The following ANKRD17 variants were observed in gnomAD, a reference collection of about 807,000 sequenced individuals.
ANKRD17 encodes ankyrin repeat domain-containing protein 17.
ANKRD17 carries 19 observed loss-of-function variants against 229.7 expected under a neutral mutation model. The ratio of observed to expected loss-of-function variants is 0.08; its 90% CI spans 0.06 to 0.12. The LOEUF (loss-of-function observed/expected upper bound fraction) is 0.12, where lower values mean the gene tolerates loss of function less well. Among genes scored for constraint, ANKRD17 ranks in the 10% least tolerant of loss-of-function variants. The pLI, the probability that ANKRD17 is intolerant of heterozygous loss-of-function variation, is 1.00. For missense variants in ANKRD17, 2,176 were observed against 3,176.8 expected (o/e 0.68, Z 7.57); for synonymous variants, 1,112 against 1,146.1 (o/e 0.97, Z 0.60).
At chr4:73,095,693 T>C (rs534302475) in intron 27 of ANKRD17, among the ~76,000 whole-genome samples, 5 of 152,118 alleles carry the variant, frequency 3.3e-5, no homozygotes, top group African/African-American at 1.2e-4. Flanking sequence ...AGATTTCCTT[T>C]ATTATTATTT....
At chr4:73,095,339 G>A (rs1040391451) in intron 27 of ANKRD17, among the ~76,000 whole-genome samples, 5 of 151,904 alleles carry the variant, frequency 3.3e-5, no homozygotes, top group African/African-American at 4.8e-5. Flanking sequence ...GGTGGCTCAC[G>A]CCTGTAATCC....
intron 1 of ANKRD17, among the ~76,000 whole-genome samples, chr4:73,193,532 C>G (rs180801399): frequency 1.2e-4 from 19 of 152,286 alleles, no homozygotes; most frequent in Admixed American, 1.1e-3. Flanking sequence ...GCTTTTCCCC[C>G]CTTTGTAGTT....
chr4:73,099,135 A>C, intron 25 of ANKRD17: 1 of 710,382 alleles, frequency 1.4e-6, no homozygotes, highest in Non-Finnish European at 2.6e-6. Flanking sequence ...TCCTCAGAGG[A>C]GGAGCAGTGA....
At chr4:73,196,394 T>C (rs1348063770) in intron 1 of ANKRD17, among the ~76,000 whole-genome samples, 1 of 152,228 alleles carries the variant, frequency 6.6e-6, no homozygotes, top group African/African-American at 2.4e-5. Flanking sequence ...GTTTCTTAAG[T>C]TGGAAATTAT....
chr4:73,099,025 A>G, intron 25 of ANKRD17: 1 of 987,016 alleles, frequency 1.0e-6, no homozygotes, highest in South Asian at 1.3e-5. Flanking sequence ...AAAACAAGGG[A>G]GCTGCCAAGA....
At chr4:73,224,626 A>T (rs1027906283) in intron 1 of ANKRD17, among the ~76,000 whole-genome samples, 2 of 152,354 alleles carry the variant, frequency 1.3e-5, no homozygotes, top group Admixed American at 1.3e-4. Flanking sequence ...TCATATTTTT[A>T]AACTACATTT....
At chr4:73,234,032 C>G (rs1182970399) in intron 1 of ANKRD17, among the ~76,000 whole-genome samples, 1 of 152,130 alleles carries the variant, frequency 6.6e-6, no homozygotes, top group Middle Eastern at 3.4e-3. Context: ...TCAATTATTT[C>G]TTTCATTATT....
intron 27 of ANKRD17, among the ~76,000 whole-genome samples, chr4:73,094,971 G>C (rs1723146312): frequency 6.6e-6 from 1 of 151,906 alleles, no homozygotes; most frequent in Admixed American, 6.6e-5. Flanking sequence ...AGGAGTTCGA[G>C]ACCAGCCTGG....
At chr4:73,208,650 C>T (rs1001033879) in intron 1 of ANKRD17, among the ~76,000 whole-genome samples, 5 of 152,024 alleles carry the variant, frequency 3.3e-5, no homozygotes, top group Admixed American at 2.6e-4. Flanking sequence ...CCAAGGAAAC[C>T]CCAGTTAAGA....
chr4:73,254,555 G>C (rs1287722610), intron 1 of ANKRD17, among the ~76,000 whole-genome samples: 2 of 152,080 alleles, frequency 1.3e-5, no homozygotes, highest in African/African-American at 4.8e-5. Flanking sequence ...ATCACCTGAG[G>C]TCAGGAGTTC....
At chr4:73,110,139 G>C (rs1237129540) in intron 24 of ANKRD17, among the ~76,000 whole-genome samples, 1 of 151,164 alleles carries the variant, frequency 6.6e-6, no homozygotes, top group Non-Finnish European at 1.5e-5. Flanking sequence ...AAAAATGTAA[G>C]TTTAAAATAT....
chr4:73,197,229 C>T (rs993873094), intron 1 of ANKRD17, among the ~76,000 whole-genome samples: 1 of 152,088 alleles, frequency 6.6e-6, no homozygotes, highest in Non-Finnish European at 1.5e-5. Flanking sequence ...TCTTATATTC[C>T]TACAGCCATA....
chr4:73,235,735 C>T (rs1423283202), intron 1 of ANKRD17, among the ~76,000 whole-genome samples: 2 of 152,056 alleles, frequency 1.3e-5, no homozygotes, highest in African/African-American at 2.4e-5. Flanking sequence ...ATCTTTCCAC[C>T]CTCAGAGGGA....
chr4:73,237,869 C>G (rs917958580), intron 1 of ANKRD17, among the ~76,000 whole-genome samples: 1 of 152,088 alleles, frequency 6.6e-6, no homozygotes. Context: ...ACATATTCTA[C>G]ATAAATTCTA....
At chr4:73,228,848 G>A (rs1342974972) in intron 1 of ANKRD17, among the ~76,000 whole-genome samples, 4 of 152,130 alleles carry the variant, frequency 2.6e-5, no homozygotes, top group African/African-American at 9.7e-5. Context: ...GTTTACTGCA[G>A]CACTATTCAC....
rs1724120330 is a variant in ANKRD17, at chr4:73,102,391, T to C, written c.4558A>G (p.Lys1520Glu). The change falls in exon 25 of 34, where the codon AAG (lysine) becomes GAG (glutamate). Residue 1520 changes from lysine to glutamate, a missense_variant. Coordinates refer to ENST00000358602, the MANE Select transcript of ANKRD17 (RefSeq NM_032217.5). ...FELQAAQEKE[K>E]LKVEDEPEVL... ...GAGAAAATACCTTCAACTTTAAGCT[T>C]TTCTTTTTCTTGAGCAGCTTGGAGT... 1.3e-6 allele frequency: 2 copies of C among 1,582,346 alleles called. No individual in the cohort carries two copies. Among genetic ancestry groups the C allele is most frequent in the Non-Finnish European group, 1.7e-6 (2 of 1,172,622 alleles).
At position 73,146,900 on chromosome 4, in the gene ANKRD17, G is replaced by A. The variant is rs781233981; in HGVS notation, c.1760-27C>T. 3 of 1,558,302 alleles carry A rather than the reference G, an allele frequency of 1.9e-6. No homozygotes were observed. The South Asian group carries it at 3.4e-5, about 18-fold the overall frequency. On this transcript the variant is annotated intron_variant, in intron 9 of 33. Coordinates refer to ENST00000358602, the MANE Select transcript of ANKRD17 (RefSeq NM_032217.5). Reference sequence around the variant, plus strand: ...TGTAGTAGTCAACAAATAATACATAGACTTAATAAAGGAGCCATAAGACAT... The same window carrying A: ...TGTAGTAGTCAACAAATAATACATAAACTTAATAAAGGAGCCATAAGACAT...
intron 1 of ANKRD17, among the ~76,000 whole-genome samples, chr4:73,240,625 T>TA (rs924319158): frequency 6.6e-6 from 1 of 151,748 alleles, no homozygotes; most frequent in African/African-American, 2.4e-5. Context: ...ACCCTGTGCC[T>TA]AAAAAAATTA....
chr4:73,179,516 A>ATTTTTT (rs1329977316), intron 1 of ANKRD17, among the ~76,000 whole-genome samples: 18 of 57,144 alleles, frequency 3.1e-4, no homozygotes, highest in Admixed American at 1.2e-3. Context: ...ATATATATAT[A>ATTTTTT]TATTTTTTTT....
Sources: allele counts gnomAD v4.1 joint callset (sites outside exome capture counted in the v4.1 genomes callset), GRCh38; gene constraint gnomAD v4.1.1; transcripts MANE v1.5; gene names NCBI Gene and HGNC (gene_info 2026-07-23, HGNC 2026-07-21).